The following FBXL7 variants were observed in gnomAD, a reference collection of about 807,000 sequenced individuals.
The protein encoded by FBXL7 is F-box/LRR-repeat protein 7.
FBXL7 carries 12 observed loss-of-function variants against 38.3 expected under a neutral mutation model. The ratio of observed to expected loss-of-function variants is 0.31; its 90% CI spans 0.20 to 0.51. The LOEUF is 0.51. FBXL7 is among the 20% of genes least tolerant of loss of function. The pLI is 0.98. For synonymous variants in FBXL7, 297 were observed against 300.9 expected (o/e 0.99, Z 0.13); for missense variants, 567 against 676.4 (o/e 0.84, Z 1.79).
Position 15,679,555 on chromosome 5 carries a change from A to AT in FBXL7, c.127+63485dup, listed in dbSNP as rs1554014097. On this transcript the variant is annotated intron_variant, in intron 2 of 3. Coordinates refer to ENST00000504595, the MANE Select transcript of FBXL7 (RefSeq NM_012304.5). ...ACTATTAGCAGCCATAATATGCTTCATTGTTTTTTTTTTTTTTTTTTTCAG... is the reference window on the plus strand; with the variant it reads ...ACTATTAGCAGCCATAATATGCTTCATTTGTTTTTTTTTTTTTTTTTTTCAG... 1.7e-3 allele frequency among the ~76,000 whole-genome samples: 163 copies of AT among 97,952 alleles called. 1 individual carries two copies. Among genetic ancestry groups the AT allele is most frequent in the African/African-American group, 5.1e-3 (141 of 27,548 alleles). 64.3% of individuals were successfully genotyped at this position (97,952 alleles called of 152,430 possible).
At chr5:15,757,145 G>A (rs1736318979) in intron 2 of FBXL7, among the ~76,000 whole-genome samples, 1 of 152,170 alleles carries the variant, frequency 6.6e-6, no homozygotes, top group Non-Finnish European at 1.5e-5. Context: ...AGCAATAGCT[G>A]CCTTGTCATT....
chr5:15,816,638 A>G (rs1198942981), intron 2 of FBXL7, among the ~76,000 whole-genome samples: 1 of 152,176 alleles, frequency 6.6e-6, no homozygotes. Context: ...CCCTAAAGCT[A>G]CTGAAATAAA....
intron 2 of FBXL7, among the ~76,000 whole-genome samples, chr5:15,726,906 A>G (rs1735419095): frequency 6.6e-6 from 1 of 150,830 alleles, no homozygotes; most frequent in Non-Finnish European, 1.5e-5. Context: ...TTTGTACTCC[A>G]TTTATTGCAT....
chr5:15,871,844 C>A (rs1209824585), intron 2 of FBXL7, among the ~76,000 whole-genome samples: 3 of 152,148 alleles, frequency 2.0e-5, no homozygotes, highest in Non-Finnish European at 4.4e-5. Flanking sequence ...GAGAATGGAA[C>A]CAAGTTGGAA....
chr5:15,556,934 AG>A (rs1738254711), intron 1 of FBXL7, among the ~76,000 whole-genome samples: 1 of 152,168 alleles, frequency 6.6e-6, no homozygotes. Flanking sequence ...AAGTGACTAA[AG>A]AAGCCAGATT....
intron 2 of FBXL7, among the ~76,000 whole-genome samples, chr5:15,915,777 G>A (rs1741568549): frequency 6.6e-6 from 1 of 152,166 alleles, no homozygotes; most frequent in Admixed American, 6.5e-5. Context: ...TATTAGTAAG[G>A]TGAAGGGTGG....
intron 1 of FBXL7, among the ~76,000 whole-genome samples, chr5:15,585,215 G>T (rs1284041531): frequency 6.6e-6 from 1 of 152,170 alleles, no homozygotes; most frequent in Non-Finnish European, 1.5e-5. Flanking sequence ...TTTGTAATTT[G>T]CATTAGATGA....
chr5:15,569,962 T>C (rs1387692389), intron 1 of FBXL7, among the ~76,000 whole-genome samples: 4 of 152,008 alleles, frequency 2.6e-5, no homozygotes, highest in East Asian at 3.9e-4. Flanking sequence ...GGTGGATAAG[T>C]TTTTTGATGT....
intron 2 of FBXL7, among the ~76,000 whole-genome samples, chr5:15,918,549 G>A (rs1391302538): frequency 6.6e-6 from 1 of 152,186 alleles, no homozygotes; most frequent in Non-Finnish European, 1.5e-5. Flanking sequence ...TTCCCTTCTA[G>A]AAGAGCTAAA....
At chr5:15,847,386 AG>A (rs1738940652) in intron 2 of FBXL7, among the ~76,000 whole-genome samples, 1 of 152,138 alleles carries the variant, frequency 6.6e-6, no homozygotes, top group Non-Finnish European at 1.5e-5. Flanking sequence ...CACTATCACA[AG>A]AACAGCAGCA....
intron 2 of FBXL7, among the ~76,000 whole-genome samples, chr5:15,838,775 C>T (rs992673372): frequency 5.9e-5 from 9 of 152,258 alleles, no homozygotes; most frequent in Admixed American, 3.9e-4. Context: ...TCAAAATGCT[C>T]TTCTTCCCTG....
chr5:15,578,639 A>G (rs1326364276), intron 1 of FBXL7, among the ~76,000 whole-genome samples: 1 of 152,214 alleles, frequency 6.6e-6, no homozygotes, highest in Non-Finnish European at 1.5e-5. Context: ...GTGATGCTAC[A>G]AGGGATCCAA....
At chr5:15,672,784 T>C (rs1742523058) in intron 2 of FBXL7, among the ~76,000 whole-genome samples, 1 of 151,974 alleles carries the variant, frequency 6.6e-6, no homozygotes, top group African/African-American at 2.4e-5. Flanking sequence ...TTAACTCCTG[T>C]CCTTAAGTGA....
At chr5:15,870,021 G>A (rs1167571550) in intron 2 of FBXL7, among the ~76,000 whole-genome samples, 1 of 152,052 alleles carries the variant, frequency 6.6e-6, no homozygotes, top group African/African-American at 2.4e-5. Flanking sequence ...GAGGTGGAAG[G>A]ATCACTTAAA....
At chr5:15,935,108 G>A (rs886816417) in intron 3 of FBXL7, 1 of 529,154 alleles carries the variant, frequency 1.9e-6, no homozygotes, top group Non-Finnish European at 3.9e-6. Flanking sequence ...GAGCATTTGT[G>A]GTGTGCGGGA....
chr5:15,770,992 A>G (rs10462723), intron 2 of FBXL7, among the ~76,000 whole-genome samples: 29,254 of 152,184 alleles, frequency 0.19, 2,807 homozygotes, highest in South Asian at 0.23. Flanking sequence ...AGCAAGTTAA[A>G]CCTTTTAACG....
chr5:15,531,253 A>G (rs1312453261), intron 1 of FBXL7, among the ~76,000 whole-genome samples: 1 of 152,162 alleles, frequency 6.6e-6, no homozygotes, highest in Non-Finnish European at 1.5e-5. Context: ...AAATGAATAA[A>G]CCAGATCTAT....
At chr5:15,502,249 GC>G (rs1736514446) in intron 1 of FBXL7, among the ~76,000 whole-genome samples, 3 of 151,266 alleles carry the variant, frequency 2.0e-5, no homozygotes, top group Admixed American at 2.0e-4. Context: ...ACAATCCCCT[GC>G]CCCCACCCCA....
chr5:15,504,404 C>T (rs1736589295), intron 1 of FBXL7, among the ~76,000 whole-genome samples: 1 of 152,300 alleles, frequency 6.6e-6, no homozygotes, highest in Non-Finnish European at 1.5e-5. Context: ...TTTGATCTCT[C>T]GTCTCTGTCT....
Sources: allele counts gnomAD v4.1 joint callset (sites outside exome capture counted in the v4.1 genomes callset), GRCh38; gene constraint gnomAD v4.1.1; transcripts MANE v1.5; gene names NCBI Gene and HGNC (gene_info 2026-07-23, HGNC 2026-07-21).